The following NR2C2 variants were observed in gnomAD, a reference collection of about 807,000 sequenced individuals.
NR2C2 encodes Nuclear hormone receptor TR4.
NR2C2 carries 6 observed loss-of-function variants against 62.9 expected under a neutral mutation model. The ratio of observed to expected loss-of-function variants is 0.10; its 90% CI spans 0.05 to 0.19. The LOEUF (loss-of-function observed/expected upper bound fraction) is 0.19. NR2C2 is among the 10% of genes least tolerant of loss of function. The pLI, the probability that NR2C2 is intolerant of heterozygous loss-of-function variation, is 1.00. For missense variants in NR2C2, 479 were observed against 762.7 expected (o/e 0.63, Z 4.38); for synonymous variants, 272 against 273.8 (o/e 0.99, Z 0.07).
chr3:14,964,584 G>A (rs1309819687), intron 1 of NR2C2, among the ~76,000 whole-genome samples: 2 of 151,286 alleles, frequency 1.3e-5, no homozygotes, highest in Non-Finnish European at 2.9e-5. Context: ...GTGCGATCTC[G>A]GCTCACTGCA....
chr3:14,948,872 G>C (rs4093173), intron 1 of NR2C2: 1 of 152,102 alleles, frequency 6.6e-6, no homozygotes, highest in African/African-American at 2.4e-5. Context: ...TGTAAATGGG[G>C]GGCATGCGCA....
At chr3:14,984,195 C>T (rs1325337035) in intron 1 of NR2C2, among the ~76,000 whole-genome samples, 4 of 152,116 alleles carry the variant, frequency 2.6e-5, no homozygotes, top group African/African-American at 9.7e-5. Context: ...GCCTTGTTTT[C>T]TATTTTTAAT....
Position 14,961,823 on chromosome 3 carries a change from T to G in NR2C2, c.-40+13917T>G, listed in dbSNP as rs573010587. On this transcript the variant is annotated intron_variant, in intron 1 of 13. Transcript: ENST00000425241. ...TAATTTAATGAGGACTTAATATAAA[T>G]TAATATGTGTATGGGTACCATATTC... 1.2e-4 allele frequency among the ~76,000 whole-genome samples: 18 copies of G among 152,378 alleles called. 1 individual carries two copies. Among genetic ancestry groups the G allele is most frequent in the Non-Finnish European group, 1.5e-5 (1 of 68,034 alleles).
At chr3:14,969,934 C>G (rs1559535304) in intron 1 of NR2C2, among the ~76,000 whole-genome samples, 3 of 152,186 alleles carry the variant, frequency 2.0e-5, no homozygotes, top group African/African-American at 7.2e-5. Flanking sequence ...GCCGTGTCCT[C>G]AAGGAGGGAA....
At chr3:14,973,465 C>A (rs958650013) in intron 1 of NR2C2, among the ~76,000 whole-genome samples, 1 of 152,132 alleles carries the variant, frequency 6.6e-6, no homozygotes, top group South Asian at 2.1e-4. Context: ...AACTCCTGGG[C>A]TCAAGCAGTT....
At chr3:15,035,993 A>C (rs2042093305) in intron 11 of NR2C2, among the ~76,000 whole-genome samples, 1 of 152,202 alleles carries the variant, frequency 6.6e-6, no homozygotes, top group Non-Finnish European at 1.5e-5. Context: ...ACGCCACTGC[A>C]CTGCAGCCTG....
intron 2 of NR2C2, among the ~76,000 whole-genome samples, chr3:15,006,690 C>T (rs1415325824): frequency 6.6e-6 from 1 of 152,138 alleles, no homozygotes; most frequent in Non-Finnish European, 1.5e-5. Flanking sequence ...GAAACTGTTC[C>T]TCCCAGGGCT....
chr3:14,998,659 TC>T (rs367805546), intron 1 of NR2C2, among the ~76,000 whole-genome samples: 1 of 152,196 alleles, frequency 6.6e-6, no homozygotes, highest in Non-Finnish European at 1.5e-5. Context: ...ACTTTTTTTT[TC>T]CCCCATTTTA....
Position 15,023,190 on chromosome 3 carries a change from G to T in NR2C2, c.557-10G>T. Reference sequence around the variant, plus strand: ...TTCTCTAAACACAAATATTTATGTTGTGATTTAAGCTGTGCAGAGTGAACG... The same window carrying T: ...TTCTCTAAACACAAATATTTATGTTTTGATTTAAGCTGTGCAGAGTGAACG... On this transcript the variant is annotated splice_polypyrimidine_tract_variant and intron_variant, in intron 5 of 13. Transcript: ENST00000425241. 1 of 1,612,060 alleles carries T rather than the reference G, an allele frequency of 6.2e-7. No homozygotes were observed. The highest frequency in any genetic ancestry group is 8.5e-7 in the Non-Finnish European group (1 of 1,178,964).
chr3:15,004,744 T>C, intron 2 of NR2C2: 3 of 1,152,246 alleles, frequency 2.6e-6, no homozygotes, highest in Admixed American at 5.4e-5. Context: ...GTTTTTCTTC[T>C]TGCAGTTTTA....
intron 1 of NR2C2, among the ~76,000 whole-genome samples, chr3:14,981,253 G>A (rs1456967333): frequency 2.0e-5 from 3 of 152,058 alleles, no homozygotes; most frequent in African/African-American, 7.2e-5. Context: ...GATATCCTGA[G>A]CCCAGAAGTT....
chr3:15,004,709 G>A (rs1276520634), intron 2 of NR2C2: 1 of 1,424,538 alleles, frequency 7.0e-7, no homozygotes, highest in East Asian at 2.4e-5. Flanking sequence ...GAATCAAAAA[G>A]CCAATTATAA....
chr3:15,014,896 G>A (rs1260391321), intron 3 of NR2C2, among the ~76,000 whole-genome samples: 1 of 152,212 alleles, frequency 6.6e-6, no homozygotes, highest in African/African-American at 2.4e-5. Context: ...CCTTTTGGCT[G>A]TTGAATTAAT....
chr3:14,993,648 G>A (rs2124855754), intron 1 of NR2C2, among the ~76,000 whole-genome samples: 1 of 151,146 alleles, frequency 6.6e-6, no homozygotes, highest in Non-Finnish European at 1.5e-5. Context: ...TTTTCTAATG[G>A]CTTCAGGAGT....
Position 15,048,712 on chromosome 3 carries a change from GTC to G in NR2C2, c.*5710_*5711del, listed in dbSNP as rs1235282561. ...TCAAGTGCTGGAATATTTTTCTACA[GTC>G]TCTCTGTTCTACGGATTATCTTGTA... On this transcript the variant is annotated 3_prime_UTR_variant, in exon 14 of 14. Coordinates refer to ENST00000425241, the MANE Select transcript of NR2C2 (RefSeq NM_001291694.2). 1 of 152,610 alleles carries G rather than the reference GTC, an allele frequency of 6.6e-6. No individual in the cohort carries two copies. The highest frequency in any genetic ancestry group is 2.4e-5 in the African/African-American group (1 of 41,426). The allele number at this position is 152,610 out of a possible 1,614,324, so 9.5% of individuals were successfully genotyped here.
chr3:14,948,658 C>T (rs1490102204), intron 1 of NR2C2: 3 of 152,986 alleles, frequency 2.0e-5, no homozygotes, highest in Non-Finnish European at 4.4e-5. Flanking sequence ...GGTCTTGGGT[C>T]AGCAGGTGGG....
At chr3:15,031,107 G>A (rs1277798977) in intron 9 of NR2C2, among the ~76,000 whole-genome samples, 1 of 152,136 alleles carries the variant, frequency 6.6e-6, no homozygotes, top group East Asian at 1.9e-4. Flanking sequence ...CATGGGCTCA[G>A]GCAGGCACTT....
intron 1 of NR2C2, among the ~76,000 whole-genome samples, chr3:14,951,849 G>A (rs570806716): frequency 3.3e-5 from 5 of 152,140 alleles, no homozygotes; most frequent in African/African-American, 7.2e-5. Context: ...CTGGGTTCAC[G>A]CCATTCTTCT....
chr3:15,008,622 A>G (rs1358033832), intron 2 of NR2C2, among the ~76,000 whole-genome samples: 1 of 152,178 alleles, frequency 6.6e-6, no homozygotes, highest in Non-Finnish European at 1.5e-5. Context: ...TCTTTGCAAC[A>G]GAGATGTTGA....
Sources: allele counts gnomAD v4.1 joint callset (sites outside exome capture counted in the v4.1 genomes callset), GRCh38; gene constraint gnomAD v4.1.1; transcripts MANE v1.5; gene names NCBI Gene and HGNC (gene_info 2026-07-23, HGNC 2026-07-21).